SBNO2: variants seen among roughly 807,000 people sequenced by gnomAD.
The protein encoded by SBNO2 is strawberry notch homolog 2, also known as protein strawberry notch homolog 2.
SBNO2 carries 89 observed loss-of-function variants against 146.3 expected under a neutral mutation model. That is an observed-to-expected ratio of 0.61 (90% CI 0.51 to 0.73). The LOEUF is 0.73. Among genes scored for constraint, SBNO2 ranks in the 30% least tolerant of loss-of-function variants. The pLI, the probability that SBNO2 is intolerant of heterozygous loss-of-function variation, is 0.00. For missense variants in SBNO2, 2,092 were observed against 2,003.7 expected, an observed-to-expected ratio of 1.04 and a Z score of -0.84; for synonymous variants, 1,147 against 892.6, an observed-to-expected ratio of 1.29 and a Z score of -5.08.
chr19:1,123,366 C>T (rs941135558), intron 7 of SBNO2, among the ~76,000 whole-genome samples, 168 bp downstream of exon 7: 6 of 152,138 alleles, frequency 3.9e-5, no homozygotes, highest in African/African-American at 1.2e-4. Context: ...TCTGCGAACC[C>T]CGGTTTTGTA....
intron 19 of SBNO2, among the ~76,000 whole-genome samples, chr19:1,113,181 G>A (rs2079787982): frequency 6.6e-6 from 1 of 152,168 alleles, no homozygotes. Context: ...AAGTGAAGCT[G>A]GGCGGGGGCA....
chr19:1,153,212 C>A (rs1055959753), intron 2 of SBNO2, among the ~76,000 whole-genome samples: 2 of 150,612 alleles, frequency 1.3e-5, no homozygotes, highest in Admixed American at 1.3e-4. Context: ...TATATATATA[C>A]ACGTTTATAT....
In SBNO2 at chr19:1,136,847, C is replaced by T. The variant is rs540933412; in HGVS notation, c.280-9082G>A. Among the ~76,000 whole-genome samples the T allele has an allele frequency of 1.3e-4, 20 of 152,210 alleles. No individual in the cohort carries two copies. In the South Asian group the frequency reaches 3.5e-3, roughly 27 times the overall value. ...TCATCCTGAGCTTCCCAGAAGCCCC[C>T]GGGCTGCCAGGCAGAGAGTGTTGTT... On this transcript the variant is annotated intron_variant, in intron 4 of 31. Transcript: ENST00000361757. This position sits in a 1 kb window ranked among gnomAD's most constrained non-coding sequence, Gnocchi z 4.2.
Position 1,108,979 on chromosome 19 carries a change from A to G in SBNO2, c.3426-10T>C. The G allele has an allele frequency of 6.6e-7, 1 of 1,512,662 alleles. No individual in the cohort carries two copies. Among genetic ancestry groups the G allele is most frequent in the East Asian group, 2.4e-5 (1 of 40,932 alleles). The allele number at this position is 1,512,662 out of a possible 1,614,324, so 93.7% of individuals were successfully genotyped here. Reference sequence around the variant, plus strand: ...CCGGCAGTGCCGGTTCCTGCGGACGAGACGGGTCGTCTCGGCTCAGGCGGG... The same window carrying G: ...CCGGCAGTGCCGGTTCCTGCGGACGGGACGGGTCGTCTCGGCTCAGGCGGG... On this transcript the variant is annotated splice_polypyrimidine_tract_variant and intron_variant, in intron 30 of 31. Coordinates refer to ENST00000361757, the MANE Select transcript of SBNO2 (RefSeq NM_014963.3).
Position 1,171,694 on chromosome 19 carries a change from G to T in SBNO2, c.-127+2478C>A, listed in dbSNP as rs1461570967. 3.3e-5 allele frequency among the ~76,000 whole-genome samples: 5 copies of T among 152,140 alleles called. No individual in the cohort carries two copies. In the East Asian group the frequency reaches 9.6e-4, roughly 29 times the overall value. ...GCATCCGTGACTCCGCTGGAGCCGG[G>T]TTGGGCCAAGCCCAAGCTGGTCACA... On this transcript the variant is annotated intron_variant, in intron 1 of 31. Coordinates refer to ENST00000361757, the MANE Select transcript of SBNO2 (RefSeq NM_014963.3).
At position 1,113,591 on chromosome 19, in the gene SBNO2, C is replaced by G. The variant is rs1284855275; in HGVS notation, c.2191G>C (p.Val731Leu). 3.1e-6 allele frequency: 5 copies of G among 1,599,746 alleles called. No individual in the cohort carries two copies. The highest frequency in any genetic ancestry group is 4.6e-5 in the East Asian group (2 of 43,776). ...TCGATGAGCTCGTCCAGGGTGTTGA[C>G]TGGCAGTTCCCGGCCCAGCCGCCGC... ...KVRRLGRELP[V>L]NTLDELIDQL... The change falls in exon 19 of 32, where the codon GTC (valine) becomes CTC (leucine). Residue 731 changes from valine to leucine, a missense_variant. Physicochemically the swap from Val to Leu is conservative, Grantham distance 32 (BLOSUM62 1). Transcript: ENST00000361757.
At chr19:1,132,162 C>A in intron 4 of SBNO2, 2 of 1,457,838 alleles carry the variant, frequency 1.4e-6, no homozygotes, top group East Asian at 2.9e-5. Context: ...GGCCAGGGGT[C>A]CCCCAGGAAG....
chr19:1,142,833 G>C (rs2080153830), intron 4 of SBNO2, among the ~76,000 whole-genome samples: 2 of 152,176 alleles, frequency 1.3e-5, no homozygotes, highest in African/African-American at 4.8e-5. Context: ...CGGGCGTGGT[G>C]GTGGGTGCCT....
Position 1,109,293 on chromosome 19 carries a change from C to G in SBNO2, c.3347G>C (p.Arg1116Pro). ...AAGCTGCGCCCGGCGGCCGCCTACC[C>G]GGTGGAACTTGCGGCGGAGGCTGTC... ...ALDSLRRKFHRVTAEEAKEPW... is the reference protein window; with the variant it reads ...ALDSLRRKFHPVTAEEAKEPW... The change falls in exon 29 of 32, where the codon CGG (arginine) becomes CCG (proline). Residue 1116 changes from arginine (R) to proline (P), a missense_variant and splice_region_variant. Physicochemically the swap from Arg to Pro is moderately radical, Grantham distance 103 (BLOSUM62 -2). Coordinates refer to ENST00000361757, the MANE Select transcript of SBNO2 (RefSeq NM_014963.3). The surrounding 1 kb of genome is among the most constrained non-coding windows in gnomAD (Gnocchi z 4.2). 6.3e-7 allele frequency: 1 copy of G among 1,593,780 alleles called. No individual in the cohort carries two copies. The highest frequency in any genetic ancestry group is 8.5e-7 in the Non-Finnish European group (1 of 1,171,166).
rs1385373724 is a variant in SBNO2 at position 1,119,022 on chromosome 19, C to A, written c.1516G>T (p.Ala506Ser). Residue 506 changes from alanine (A) to serine (S), a missense_variant, in exon 14 of 32, where the codon GCG becomes TCG. Ala to Ser is a moderately conservative substitution (Grantham distance 99, BLOSUM62 1). Transcript: ENST00000361757. ...GTGCGCAGGCTCACCAGCAGGGCCGCGCGGTTGTAGACGCACTCGAAGGCT... is the reference window on the plus strand; with the variant it reads ...GTGCGCAGGCTCACCAGCAGGGCCGAGCGGTTGTAGACGCACTCGAAGGCT... ...APAFECVYNR[A>S]ALLWAEALNV... 6.3e-7 allele frequency: 1 copy of A among 1,596,558 alleles called. No individual in the cohort carries two copies.
rs1405597619 is a variant in SBNO2, at chr19:1,108,250, T to G, written c.4071A>C (p.Pro1357=). ...PERQSVIQFS[P]PFPGAQAPL ...GAGGAGCCTGGGCGCCGGGGAAGGG[T>G]GGGCTGAACTGGATCACGCTCTGCC... The change falls in exon 32 of 32, where the codon CCA becomes CCC. Residue 1357 remains proline (P), a synonymous_variant. Transcript: ENST00000361757. 1 of 1,524,696 alleles carries G rather than the reference T, an allele frequency of 6.6e-7. No individual in the cohort carries two copies. The highest frequency in any genetic ancestry group is 8.8e-7 in the Non-Finnish European group (1 of 1,134,272). The allele number at this position is 1,524,696 out of a possible 1,614,324, so 94.4% of individuals were successfully genotyped here. A position where few individuals can be genotyped will look rare whatever the true frequency, so the allele number is the denominator to read the frequency against.
intron 4 of SBNO2, among the ~76,000 whole-genome samples, chr19:1,145,969 G>A (rs1177455103): frequency 6.6e-6 from 1 of 152,026 alleles, no homozygotes; most frequent in African/African-American, 2.4e-5. Flanking sequence ...CCGGGAGTCT[G>A]AGGCCAAGGT....
At chr19:1,139,543 C>T (rs909033205) in intron 4 of SBNO2, among the ~76,000 whole-genome samples, 1 of 152,104 alleles carries the variant, frequency 6.6e-6, no homozygotes, top group African/African-American at 2.4e-5. Context: ...ACCTGTAATC[C>T]CGACACTTTG....
intron 2 of SBNO2, among the ~76,000 whole-genome samples, chr19:1,151,796 G>T (rs920309462): frequency 6.6e-6 from 1 of 152,206 alleles, no homozygotes; most frequent in African/African-American, 2.4e-5. Context: ...ATGCGTAGCT[G>T]GGATTACAGG....
chr19:1,140,124 C>A lies in SBNO2; in HGVS notation c.279+7185G>T, dbSNP rs2080121277. On this transcript the variant is annotated intron_variant, in intron 4 of 31. Coordinates refer to ENST00000361757, the MANE Select transcript of SBNO2 (RefSeq NM_014963.3). The surrounding 1 kb of genome is among the most constrained non-coding windows in gnomAD (Gnocchi z 4.4). ...ACCAGCCTGGCTAACACGGTGAAAC[C>A]CCGTGTCCACTAAAAAACACAAAAA... 6.6e-6 allele frequency among the ~76,000 whole-genome samples: 1 copy of A among 151,828 alleles called. No homozygotes were observed. Among genetic ancestry groups the A allele is most frequent in the African/African-American group, 2.4e-5 (1 of 41,338 alleles).
chr19:1,158,360 C>T lies in SBNO2; in HGVS notation c.-126-3958G>A, dbSNP rs997746945. On this transcript the variant is annotated intron_variant, in intron 1 of 31. Coordinates refer to ENST00000361757, the MANE Select transcript of SBNO2 (RefSeq NM_014963.3). The surrounding 1 kb of genome is among the most constrained non-coding windows in gnomAD (Gnocchi z 9.9). ...ACCCCCGCACTTTCGGATGTGGACA[C>T]GGAGGCCCCTAGGTGGAGCCTTGAC... is the stretch of plus-strand genomic sequence containing the variant. 6.6e-6 allele frequency among the ~76,000 whole-genome samples: 1 copy of T among 152,146 alleles called. No individual in the cohort carries two copies. Among genetic ancestry groups the T allele is most frequent in the African/African-American group, 2.4e-5 (1 of 41,418 alleles).
rs1180907690 is a variant in SBNO2 at position 1,173,723 on chromosome 19, C to T, written c.-127+449G>A. On this transcript the variant is annotated intron_variant, in intron 1 of 31. Transcript: ENST00000361757. The surrounding 1 kb of genome is among the most constrained non-coding windows in gnomAD (Gnocchi z 4.7). The stretch of plus-strand genomic sequence containing the variant: ...GTCCCCAAAAGGGAAGGCCAGGATA[C>T]CGAGGAAAAGCGGGTGCGGGGTCAC... 2 of 152,272 alleles carry T rather than the reference C, an allele frequency of 1.3e-5. No individual in the cohort carries two copies. Among genetic ancestry groups the T allele is most frequent in the Non-Finnish European group, 2.9e-5 (2 of 68,216 alleles). 9.4% of individuals were successfully genotyped at this position (152,272 alleles called of 1,614,324 possible). A position where few individuals can be genotyped will look rare whatever the true frequency, so the allele number is the denominator to read the frequency against.
chr19:1,111,558 G>T lies in SBNO2; in HGVS notation c.2757C>A (p.Asn919Lys). The T allele has an allele frequency of 6.3e-7, 1 of 1,598,192 alleles. No homozygotes were observed. ...VLTTILSQTENKVPVPQGYPG... is the reference protein window; with the variant it reads ...VLTTILSQTEKKVPVPQGYPG... ...GGTATCCCTGGGGCACAGGCACTTT[G>T]TTCTCAGTCTGGCTCAGGATGGTGG... is the stretch of plus-strand genomic sequence containing the variant. The change falls in exon 24 of 32, where the codon AAC becomes AAA. Residue 919 changes from asparagine (N) to lysine (K), a missense_variant. Coordinates refer to ENST00000361757, the MANE Select transcript of SBNO2 (RefSeq NM_014963.3).
chr19:1,114,698 G>A (rs938330243), intron 17 of SBNO2, among the ~76,000 whole-genome samples: 5 of 152,144 alleles, frequency 3.3e-5, no homozygotes, highest in Admixed American at 6.5e-5. Context: ...GCTGGAGAAC[G>A]GTGGCATCTC....
Sources: allele counts gnomAD v4.1 joint callset (sites outside exome capture counted in the v4.1 genomes callset), GRCh38; gene constraint gnomAD v4.1.1; non-coding constraint Gnocchi (gnomAD v3.1); transcripts MANE v1.5; gene names NCBI Gene and HGNC (gene_info 2026-07-23, HGNC 2026-07-21).